Variants in CD99L2 observed in about 807,000 individuals in gnomAD.
CD99L2 encodes CD99 antigen-like protein 2.
CD99L2 carries 24 observed loss-of-function variants against 27.3 expected under a neutral mutation model. That is an observed-to-expected ratio of 0.88 (90% CI 0.64 to 1.24). The LOEUF (loss-of-function observed/expected upper bound fraction) is 1.24. Among genes scored for constraint, CD99L2 ranks in the 50% most tolerant of loss-of-function variants. The probability of loss-of-function intolerance (pLI) is 0.00; values close to 1 mark genes in which losing one functional copy is unlikely to be tolerated. For synonymous variants in CD99L2, 97 were observed against 87.9 expected, an observed-to-expected ratio of 1.10 and a Z score of -0.58; for missense variants, 255 against 221.6, an observed-to-expected ratio of 1.15 and a Z score of -0.96.
chrX:150,781,294 A>G (rs781974915), intron 7 of CD99L2, among the ~76,000 whole-genome samples: 55 of 112,572 alleles, frequency 4.9e-4, no homozygotes, highest in African/African-American at 1.7e-3. Context: ...ATATTTACAA[A>G]TATATACTTG....
In CD99L2 at chrX:150,767,855, G is replaced by A. The variant is rs1377190456; in HGVS notation, c.*1179C>T. On this transcript the variant is annotated 3_prime_UTR_variant, in exon 11 of 11. Transcript: ENST00000370377. ...TGAGCCTCTGACAACAGAGCTCACC[G>A]GGACAGAACCATATGTGGGCCAAAG... The A allele has an allele frequency of 1.8e-5, 2 of 110,969 alleles. No homozygotes were observed. Among genetic ancestry groups the A allele is most frequent in the Non-Finnish European group, 1.9e-5 (1 of 52,850 alleles). The allele number at this position is 110,969 out of a possible 1,213,427, so 9.1% of individuals were successfully genotyped here.
intron 1 of CD99L2, among the ~76,000 whole-genome samples, chrX:150,858,121 T>C (rs1255856750): frequency 8.9e-6 from 1 of 112,643 alleles, no homozygotes; most frequent in Non-Finnish European, 1.9e-5. Context: ...AAGGTCATTG[T>C]ATAATGATAA....
At chrX:150,824,782 T>C (rs1241505763) in intron 2 of CD99L2, among the ~76,000 whole-genome samples, 1 of 112,007 alleles carries the variant, frequency 8.9e-6, no homozygotes, top group Non-Finnish European at 1.9e-5. Flanking sequence ...AACATGAATT[T>C]TGGAGGGGAA....
At chrX:150,777,314 G>A in intron 8 of CD99L2, 130 bp downstream of exon 8, 1 of 778,018 alleles carries the variant, frequency 1.3e-6, no homozygotes, top group Non-Finnish European at 1.9e-6. Flanking sequence ...TTATTTAGGA[G>A]TAGAATGGGA....
chrX:150,777,590 C>T (rs933695053), intron 7 of CD99L2, 108 bp from the exon 8 acceptor site: 65 of 788,463 alleles, frequency 8.2e-5, no homozygotes, highest in South Asian at 3.9e-4. Flanking sequence ...CCCACCTATG[C>T]GACAAGACCC....
intron 1 of CD99L2, among the ~76,000 whole-genome samples, chrX:150,880,988 T>A (rs997819722): frequency 9.0e-6 from 1 of 111,544 alleles, no homozygotes; most frequent in Non-Finnish European, 1.9e-5. Context: ...GCTTGAGGGC[T>A]GCAGTCACCT....
At chrX:150,849,067 G>A (rs1245099613) in intron 1 of CD99L2, among the ~76,000 whole-genome samples, 1 of 111,273 alleles carries the variant, frequency 9.0e-6, no homozygotes, top group Non-Finnish European at 1.9e-5. Context: ...GTCCATGTGC[G>A]TCATACTGCC....
intron 8 of CD99L2, chrX:150,776,838 G>T (rs1353151414): frequency 1.7e-5 from 2 of 118,225 alleles, no homozygotes; most frequent in East Asian, 5.5e-4. Flanking sequence ...CTGACGACAC[G>T]CGCCAAGGTG....
At chrX:150,784,272 TC>T (rs1204257723) in intron 7 of CD99L2, among the ~76,000 whole-genome samples, 6 of 110,106 alleles carry the variant, frequency 5.4e-5, no homozygotes. Context: ...CCGCTTCTCC[TC>T]CCCTCCGGGT....
intron 7 of CD99L2, among the ~76,000 whole-genome samples, chrX:150,780,288 G>T (rs924426923): frequency 9.0e-6 from 1 of 111,674 alleles, no homozygotes; most frequent in Non-Finnish European, 1.9e-5. Context: ...AGGGAGAGAG[G>T]GAGAGAAAGG....
intron 4 of CD99L2, among the ~76,000 whole-genome samples, chrX:150,802,633 G>A (rs1438427893): frequency 3.0e-5 from 3 of 98,517 alleles, no homozygotes; most frequent in African/African-American, 1.1e-4. Context: ...CCAGGCTGGA[G>A]TGCAGTGGCG....
At chrX:150,892,226 G>T (rs1241101051) in intron 1 of CD99L2, among the ~76,000 whole-genome samples, 1 of 107,793 alleles carries the variant, frequency 9.3e-6, no homozygotes, top group Admixed American at 1.0e-4. Context: ...CATCTCGAAG[G>T]AAAAAAATAA....
chrX:150,830,021 G>A (rs981650231), intron 2 of CD99L2, among the ~76,000 whole-genome samples: 37 of 109,775 alleles, frequency 3.4e-4, no homozygotes, highest in African/African-American at 7.6e-4. Context: ...TGGGCGTGGC[G>A]GTACGCACCT....
intron 2 of CD99L2, chrX:150,819,163 G>A: frequency 2.8e-6 from 1 of 360,215 alleles, no homozygotes. Flanking sequence ...GGCCATGAAT[G>A]CCACAGAAGC....
intron 4 of CD99L2, among the ~76,000 whole-genome samples, chrX:150,798,734 G>C (rs1356258501): frequency 3.6e-5 from 4 of 112,135 alleles, no homozygotes; most frequent in Non-Finnish European, 7.5e-5. Context: ...TAAATAAATT[G>C]ATCTTCATCA....
intron 1 of CD99L2, among the ~76,000 whole-genome samples, chrX:150,846,952 G>T (rs2046713212): frequency 8.9e-6 from 1 of 112,486 alleles, no homozygotes; most frequent in African/African-American, 3.2e-5. Flanking sequence ...AGTTGGTGTT[G>T]CATGTATGAA....
At chrX:150,833,429 T>C (rs1292354678) in intron 1 of CD99L2, among the ~76,000 whole-genome samples, 2 of 112,038 alleles carry the variant, frequency 1.8e-5, no homozygotes, top group African/African-American at 6.5e-5. Flanking sequence ...AATTCCAATG[T>C]CATTTTTCAC....
chrX:150,877,600 T>C (rs67714817), intron 1 of CD99L2, among the ~76,000 whole-genome samples: 27,826 of 110,539 alleles, frequency 0.25, 2,560 homozygotes, highest in South Asian at 0.36. Context: ...GGCAGGAGGA[T>C]TGCTTGAGGC....
intron 4 of CD99L2, among the ~76,000 whole-genome samples, chrX:150,804,391 G>A (rs1020321418): frequency 1.5e-4 from 17 of 112,251 alleles, no homozygotes; most frequent in Non-Finnish European, 3.2e-4. Context: ...CAAAACTTAT[G>A]AGATGCAGCA....
Sources: allele counts gnomAD v4.1 joint callset (sites outside exome capture counted in the v4.1 genomes callset), GRCh38; gene constraint gnomAD v4.1.1; transcripts MANE v1.5; gene names NCBI Gene and HGNC (gene_info 2026-07-23, HGNC 2026-07-21).